The following TLR4 variants were observed in gnomAD, a reference collection of about 807,000 sequenced individuals.
TLR4 encodes the protein toll like receptor 4.
A neutral mutation model predicts 27.4 loss-of-function variants in TLR4; 17 were observed. That is an observed-to-expected ratio of 0.62 (90% CI 0.42 to 0.93). TLR4 has a LOEUF of 0.93. Among genes scored for constraint, TLR4 ranks in the 40% least tolerant of loss-of-function variants. TLR4 has a pLI of 0.00. For missense variants in TLR4, 926 were observed against 962.3 expected, an observed-to-expected ratio of 0.96 and a Z score of 0.50; for synonymous variants, 363 against 365.7, an observed-to-expected ratio of 0.99 and a Z score of 0.08.
At chr9:117,708,304 C>T (rs960096360) in intron 1 of TLR4, 101 of 1,256,640 alleles carry the variant, frequency 8.0e-5, no homozygotes, top group Non-Finnish European at 9.5e-5. Context: ...TAAATGCTGC[C>T]GTTTTATCAC....
Position 117,706,064 on chromosome 9 carries a change from T to C in TLR4, c.93+1499T>C, listed in dbSNP as rs181567319. ...TTAATATATATTTACCTATTATTGATATTTTTACATTCCTTGTTTGGTACT... is the reference window on the plus strand; with the variant it reads ...TTAATATATATTTACCTATTATTGACATTTTTACATTCCTTGTTTGGTACT... On this transcript the variant is annotated intron_variant, in intron 1 of 2. Transcript: ENST00000355622. Among the ~76,000 whole-genome samples the C allele has an allele frequency of 1.3e-3, 201 of 152,320 alleles. 2 individuals carry two copies. The highest frequency in any genetic ancestry group is 6.2e-3 in the Admixed American group (95 of 15,300).
chr9:117,708,114 T>G, intron 1 of TLR4: 1 of 882,818 alleles, frequency 1.1e-6, no homozygotes, highest in Non-Finnish European at 1.4e-6. Context: ...ATATTGGATA[T>G]TTTATTACCT....
chr9:117,713,844 T>C lies in TLR4; in HGVS notation c.1716T>C (p.Ala572=). The C allele has an allele frequency of 6.2e-7, 1 of 1,614,060 alleles. No homozygotes were observed. Among genetic ancestry groups the C allele is most frequent in the Non-Finnish European group, 8.5e-7 (1 of 1,180,020 alleles). Residue 572 remains alanine (A), a synonymous_variant, in exon 3 of 3, where the codon GCT becomes GCC. Coordinates refer to ENST00000355622, the MANE Select transcript of TLR4 (RefSeq NM_138554.5). ...QELQHFPSSL[A]FLNLTQNDFA... ...TACAGCATTTTCCAAGTAGTCTAGC[T>C]TTCTTAAATCTTACTCAGAATGACT... is the stretch of plus-strand genomic sequence containing the variant.
intron 1 of TLR4, among the ~76,000 whole-genome samples, chr9:117,705,973 A>G (rs895516816): frequency 6.6e-6 from 1 of 152,148 alleles, no homozygotes; most frequent in African/African-American, 2.4e-5. Context: ...AAAAAAAGAA[A>G]CAAGTGAATT....
Position 117,713,916 on chromosome 9 carries a change from C to A in TLR4, c.1788C>A (p.Asp596Glu), listed in dbSNP as rs1829290923. 6.8e-6 allele frequency: 11 copies of A among 1,614,004 alleles called. No individual in the cohort carries two copies. In the East Asian group the frequency reaches 2.5e-4, roughly 36 times the overall value. ...EHQSFLQWIK[D>E]QRQLLVEVER... ...AGAGTTTCCTGCAATGGATCAAGGA[C>A]CAGAGGCAGCTCTTGGTGGAAGTTG... Residue 596 changes from aspartate (D) to glutamate (E), a missense_variant, in exon 3 of 3, where the codon GAC (aspartate) becomes GAA (glutamate). Coordinates refer to ENST00000355622, the MANE Select transcript of TLR4 (RefSeq NM_138554.5).
In TLR4 at chr9:117,714,676, A is replaced by C. The variant is rs201942628; in HGVS notation, c.*28A>C. On this transcript the variant is annotated 3_prime_UTR_variant, in exon 3 of 3. Transcript: ENST00000355622. ...AGGAAAAATAAAAACCTCCTGAGGC[A>C]TTTCTTGCCCAGCTGGGTCCAACAC... 2.5e-6 allele frequency: 4 copies of C among 1,599,836 alleles called. No homozygotes were observed. Among genetic ancestry groups the C allele is most frequent in the Non-Finnish European group, 3.4e-6 (4 of 1,170,432 alleles).
Position 117,714,546 on chromosome 9 carries a change from C to A in TLR4, c.2418C>A (p.Ile806=), listed in dbSNP as rs1829308443. The change falls in exon 3 of 3, where the codon ATC becomes ATA. Residue 806 remains isoleucine, a synonymous_variant. Coordinates refer to ENST00000355622, the MANE Select transcript of TLR4 (RefSeq NM_138554.5). ...EWEDSVLGRH[I]FWRRLRKALL... is the part of the protein sequence containing the mutation. ...AGGACAGTGTCCTGGGGCGGCACATCTTCTGGAGACGACTCAGAAAAGCCC... is the reference window on the plus strand; with the variant it reads ...AGGACAGTGTCCTGGGGCGGCACATATTCTGGAGACGACTCAGAAAAGCCC... 1 of 1,613,938 alleles carries A rather than the reference C, an allele frequency of 6.2e-7. No homozygotes were observed. Among genetic ancestry groups the A allele is most frequent in the East Asian group, 2.2e-5 (1 of 44,884 alleles).
chr9:117,709,682 TAAAGAC>T (rs958172893), intron 2 of TLR4, among the ~76,000 whole-genome samples: 13 of 152,176 alleles, frequency 8.5e-5, no homozygotes, highest in African/African-American at 2.9e-4. Flanking sequence ...AAATTATTGA[TAAAGAC>T]TAAGGTCACA....
intron 2 of TLR4, among the ~76,000 whole-genome samples, chr9:117,709,161 G>C (rs1208450148): frequency 6.6e-6 from 1 of 152,068 alleles, no homozygotes; most frequent in African/African-American, 2.4e-5. Flanking sequence ...GTATGGTCCT[G>C]GGTACATAGT....
rs755415307 is a variant in TLR4 at position 117,720,384 on chromosome 9, G to A, written c.*5736G>A. 5 of 152,136 alleles carry A rather than the reference G, an allele frequency of 3.3e-5. No individual in the cohort carries two copies. The highest frequency in any genetic ancestry group is 6.6e-5 in the Admixed American group (1 of 15,262). The allele number at this position is 152,136 out of a possible 1,614,324, so 9.4% of individuals were successfully genotyped here. On this transcript the variant is annotated 3_prime_UTR_variant, in exon 3 of 3. Transcript: ENST00000355622. ...ATTAAAAGTTTAAAAGGCAGAGTCT[G>A]CAACTCTCCTTGATTTCTACAGAAA...
At position 117,716,707 on chromosome 9, in the gene TLR4, A is replaced by G. The variant is rs893952128; in HGVS notation, c.*2059A>G. 1 of 152,172 alleles carries G rather than the reference A, an allele frequency of 6.6e-6. No individual in the cohort carries two copies. The highest frequency in any genetic ancestry group is 2.4e-5 in the African/African-American group (1 of 41,436). The allele number at this position is 152,172 out of a possible 1,614,324, so 9.4% of individuals were successfully genotyped here. On this transcript the variant is annotated 3_prime_UTR_variant, in exon 3 of 3. Transcript: ENST00000355622. ...GCACTTAACATTTTGTTAAGAGGGT[A>G]CCTCTCATGTTAAGTGTTCTTACCA...
chr9:117,714,809 C>T lies in TLR4; in HGVS notation c.*161C>T. 1 of 703,778 alleles carries T rather than the reference C, an allele frequency of 1.4e-6. No homozygotes were observed. The highest frequency in any genetic ancestry group is 2.5e-6 in the Non-Finnish European group (1 of 400,514). 43.6% of individuals were successfully genotyped at this position (703,778 alleles called of 1,614,324 possible). A position where few individuals can be genotyped will look rare whatever the true frequency, so the allele number is the denominator to read the frequency against. The stretch of plus-strand genomic sequence containing the variant: ...CAGGGCTGCTAATCTCAAGGAGCTT[C>T]CAGTGCAGAGGGAATAAATGCTAGA... On this transcript the variant is annotated 3_prime_UTR_variant, in exon 3 of 3. Coordinates refer to ENST00000355622, the MANE Select transcript of TLR4 (RefSeq NM_138554.5).
Position 117,704,503 on chromosome 9 carries a change from C to G in TLR4, c.31C>G (p.Leu11Val). 1.2e-6 allele frequency: 2 copies of G among 1,613,736 alleles called. No homozygotes were observed. The highest frequency in any genetic ancestry group is 1.7e-6 in the Non-Finnish European group (2 of 1,179,952). The part of the protein sequence containing the change: MMSASRLAGT[L>V]IPAMAFLSCV... Reference sequence around the variant, plus strand: ...GTCTGCCTCGCGCCTGGCTGGGACTCTGATCCCAGCCATGGCCTTCCTCTC... The same window carrying G: ...GTCTGCCTCGCGCCTGGCTGGGACTGTGATCCCAGCCATGGCCTTCCTCTC... The change falls in exon 1 of 3, where the codon CTG becomes GTG. Residue 11 changes from leucine to valine, a missense_variant. Physicochemically the swap from Leu to Val is conservative, Grantham distance 32 (BLOSUM62 1). Coordinates refer to ENST00000355622, the MANE Select transcript of TLR4 (RefSeq NM_138554.5).
chr9:117,712,304 G>C, intron 2 of TLR4, 85 bp from the exon 3 acceptor site: 2 of 1,314,498 alleles, frequency 1.5e-6, no homozygotes, highest in South Asian at 2.5e-5. Context: ...TCTGTATGAA[G>C]AGCTGGATGA....
rs1469905625 is a variant in TLR4 at position 117,712,812 on chromosome 9, T to C, written c.684T>C (p.Leu228=). 1.2e-6 allele frequency: 2 copies of C among 1,614,024 alleles called. No homozygotes were observed. Among genetic ancestry groups the C allele is most frequent in the Non-Finnish European group, 8.5e-7 (1 of 1,179,992 alleles). Residue 228 remains leucine, a synonymous_variant, in exon 3 of 3, where the codon CTT becomes CTC. Coordinates refer to ENST00000355622, the MANE Select transcript of TLR4 (RefSeq NM_138554.5). The stretch of plus-strand genomic sequence containing the variant: ...CAGGTGCATTTAAAGAAATTAGGCT[T>C]CATAAGCTGACTTTAAGAAATAATT... The part of the protein sequence containing the change: ...IQPGAFKEIR[L]HKLTLRNNFD...
rs1829416991 is a variant in TLR4, at chr9:117,721,022, C to T, written c.*6374C>T. The T allele has an allele frequency of 6.6e-6, 1 of 152,162 alleles. No homozygotes were observed. Among genetic ancestry groups the T allele is most frequent in the Non-Finnish European group, 1.5e-5 (1 of 68,014 alleles). 9.4% of individuals were successfully genotyped at this position (152,162 alleles called of 1,614,324 possible). ...ATTTAAAAAAAAGACAACTTCATGT[C>T]TCTACTCTGACTTCATTCTTTTTAA... On this transcript the variant is annotated 3_prime_UTR_variant, in exon 3 of 3. Transcript: ENST00000355622.
At chr9:117,704,651 CAAA>C (rs5900307) in intron 1 of TLR4, 86 bp downstream of exon 1, 365 of 822,766 alleles carry the variant, frequency 4.4e-4, no homozygotes, top group Non-Finnish European at 5.8e-4. Flanking sequence ...TTTATTTTTG[CAAA>C]AAAAAAAAAG....
rs148187542 is a variant in TLR4 at position 117,714,178 on chromosome 9, G to T, written c.2050G>T (p.Asp684Tyr). ...YDAFVIYSSQDEDWVRNELVK... is the reference protein window; with the variant it reads ...YDAFVIYSSQYEDWVRNELVK... ...TGCCTTTGTTATCTACTCAAGCCAG[G>T]ATGAGGACTGGGTAAGGAATGAGCT... The change falls in exon 3 of 3, where the codon GAT becomes TAT. Residue 684 changes from aspartate (D) to tyrosine (Y), a missense_variant. By Grantham distance (160) the Asp-to-Tyr change is radical (BLOSUM62 -3). Transcript: ENST00000355622. 84 of 1,613,920 alleles carry T rather than the reference G, an allele frequency of 5.2e-5. No individual in the cohort carries two copies. In the African/African-American group the frequency reaches 1.0e-3, roughly 20 times the overall value.
Position 117,708,437 on chromosome 9 carries a change from G to A in TLR4, c.94-126G>A. On this transcript the variant is annotated intron_variant, in intron 1 of 2. Coordinates refer to ENST00000355622, the MANE Select transcript of TLR4 (RefSeq NM_138554.5). ...ATATGGATGGAAGGATGGACAGATG[G>A]ATGAAAGGTTGACTGAATTTTGTGC... The A allele has an allele frequency of 1.9e-6, 3 of 1,575,552 alleles. No homozygotes were observed. In the Admixed American group the frequency reaches 5.3e-5, roughly 28 times the overall value.
Sources: gnomAD v4.1 joint callset for allele counts (sites outside exome capture counted in the v4.1 genomes callset) on GRCh38, gnomAD v4.1.1 for gene constraint, MANE v1.5 for transcripts, NCBI Gene and HGNC (gene_info 2026-07-23, HGNC 2026-07-21) for gene names.